FSHR: variants seen among roughly 807,000 people sequenced by gnomAD.
FSHR encodes the protein follicle-stimulating hormone receptor.
In FSHR, 46 loss-of-function variants were observed where a neutral mutation model predicts 52.1. The ratio of observed to expected loss-of-function variants is 0.88; its 90% CI spans 0.70 to 1.13. The LOEUF is 1.13. Ranked by LOEUF, FSHR falls within the 50% of genes most tolerant of loss-of-function variation. The pLI is 0.00. For missense variants in FSHR, 964 were observed against 834.6 expected (o/e 1.16, Z -1.91); for synonymous variants, 399 against 309.6 (o/e 1.29, Z -3.03).
chr2:49,026,964 G>C (rs1225127721), intron 2 of FSHR, among the ~76,000 whole-genome samples: 1 of 152,018 alleles, frequency 6.6e-6, no homozygotes, highest in Non-Finnish European at 1.5e-5. Flanking sequence ...ACAACCTGAG[G>C]GATACATGTT....
chr2:49,120,832 T>A (rs1671792004), intron 1 of FSHR, among the ~76,000 whole-genome samples: 1 of 152,266 alleles, frequency 6.6e-6, no homozygotes. Flanking sequence ...TATCTCTGCT[T>A]CTTTTCCACT....
chr2:49,011,777 C>T (rs538550583), intron 4 of FSHR, among the ~76,000 whole-genome samples: 1 of 152,206 alleles, frequency 6.6e-6, no homozygotes, highest in South Asian at 2.1e-4. Context: ...CTTTGTGCTT[C>T]CTTGCTACTC....
At chr2:49,089,264 G>C (rs1026889659) in intron 1 of FSHR, among the ~76,000 whole-genome samples, 30 of 152,108 alleles carry the variant, frequency 2.0e-4, no homozygotes, top group African/African-American at 7.2e-4. Context: ...TGTAGGGATG[G>C]AATGAAAGCA....
At chr2:49,138,549 T>C (rs537885923) in intron 1 of FSHR, among the ~76,000 whole-genome samples, 6 of 152,330 alleles carry the variant, frequency 3.9e-5, no homozygotes, top group African/African-American at 1.2e-4. Context: ...TGATACATTA[T>C]AATTTGAATT....
intron 2 of FSHR, among the ~76,000 whole-genome samples, chr2:49,063,955 A>T (rs1041027622): frequency 5.3e-5 from 8 of 152,146 alleles, no homozygotes; most frequent in African/African-American, 1.7e-4. Context: ...TACAGTTATT[A>T]TGTGTTACAA....
At chr2:49,082,547 C>T (rs192955720) in intron 1 of FSHR, among the ~76,000 whole-genome samples, 32 of 152,050 alleles carry the variant, frequency 2.1e-4, no homozygotes, top group Admixed American at 5.9e-4. Flanking sequence ...CAAATTACTC[C>T]GAGATACGGG....
intron 2 of FSHR, among the ~76,000 whole-genome samples, chr2:49,060,204 T>C (rs1202745913): frequency 6.6e-6 from 1 of 152,082 alleles, no homozygotes; most frequent in Non-Finnish European, 1.5e-5. Context: ...CCGGTGAGGA[T>C]GCAGAGAAAA....
At position 49,071,377 on chromosome 2, in the gene FSHR, C is replaced by A. The variant is rs1055162250; in HGVS notation, c.153-3087G>T. Among the ~76,000 whole-genome samples the A allele has an allele frequency of 7.2e-5, 11 of 152,128 alleles. No homozygotes were observed. In the East Asian group the frequency reaches 1.7e-3, roughly 24 times the overall value. On this transcript the variant is annotated intron_variant, in intron 1 of 9. Transcript: ENST00000406846. ...TAATTAGAAAACCTTGTAAAAATATCTTCAAAATTATTAGAGAAAATAACT... is the reference window on the plus strand; with the variant it reads ...TAATTAGAAAACCTTGTAAAAATATATTCAAAATTATTAGAGAAAATAACT...
intron 2 of FSHR, among the ~76,000 whole-genome samples, chr2:49,057,469 A>C (rs1669102445): frequency 6.6e-6 from 1 of 152,156 alleles, no homozygotes; most frequent in Admixed American, 6.5e-5. Context: ...ACCCACCAAG[A>C]TTGAACCAAG....
intron 3 of FSHR, 32 bp downstream of exon 3, chr2:49,020,054 C>G (rs770152782): frequency 1.3e-6 from 2 of 1,581,898 alleles, no homozygotes; most frequent in East Asian, 4.5e-5. Flanking sequence ...TCAAGAATGG[C>G]CATGAGCAAA....
intron 1 of FSHR, among the ~76,000 whole-genome samples, chr2:49,120,173 A>G (rs1384411393): frequency 6.6e-6 from 1 of 152,186 alleles, no homozygotes. Flanking sequence ...CAGGAGGCTG[A>G]GGCAGGAGAA....
At chr2:49,142,970 A>G (rs2103841980) in intron 1 of FSHR, among the ~76,000 whole-genome samples, 1 of 152,276 alleles carries the variant, frequency 6.6e-6, no homozygotes, top group African/African-American at 2.4e-5. Flanking sequence ...GTTGGTTTTG[A>G]GATGCTTGTA....
chr2:49,092,160 G>T (rs908252946), intron 1 of FSHR, among the ~76,000 whole-genome samples: 2 of 151,978 alleles, frequency 1.3e-5, no homozygotes, highest in African/African-American at 4.8e-5. Flanking sequence ...TTTATTTTTG[G>T]TTTCTAATTG....
chr2:48,989,033 GT>G lies in FSHR; in HGVS notation c.467del (p.Asn156ThrfsTer13). 6.2e-7 allele frequency: 1 copy of G among 1,613,600 alleles called. No homozygotes were observed. Among genetic ancestry groups the G allele is most frequent in the Non-Finnish European group, 8.5e-7 (1 of 1,179,618 alleles). On this transcript the variant is annotated frameshift_variant, in exon 6 of 10. Coordinates refer to ENST00000406846, the MANE Select transcript of FSHR (RefSeq NM_000145.4). LOFTEE classifies it high-confidence loss of function. ...KVLLDIQDNI[N>X]IHTIERNSFV... ...AAGAATTTCTTTCAATTGTGTGGAT[GT>G]TTATGTTATCTTGAATGTCACTAGA...
chr2:49,031,917 C>T (rs1668114330), intron 2 of FSHR, among the ~76,000 whole-genome samples: 1 of 152,166 alleles, frequency 6.6e-6, no homozygotes, highest in Admixed American at 6.5e-5. Context: ...TTATTATTTT[C>T]TACTAGAGTC....
At chr2:49,052,562 T>A (rs963022016) in intron 2 of FSHR, among the ~76,000 whole-genome samples, 2 of 152,188 alleles carry the variant, frequency 1.3e-5, no homozygotes, top group African/African-American at 4.8e-5. Context: ...TTTTTAAAGT[T>A]CTCCAGGGGA....
intron 1 of FSHR, among the ~76,000 whole-genome samples, chr2:49,131,844 A>T (rs190695725): frequency 1.3e-5 from 2 of 152,128 alleles, no homozygotes; most frequent in African/African-American, 4.8e-5. Context: ...ACTACCATAT[A>T]TTTAAATCCT....
At chr2:49,094,419 A>G (rs1056365367) in intron 1 of FSHR, among the ~76,000 whole-genome samples, 5 of 152,138 alleles carry the variant, frequency 3.3e-5, no homozygotes, top group Non-Finnish European at 4.4e-5. Context: ...ACATTTTGCC[A>G]TTTCTGTTGC....
rs750192853 is a variant in FSHR at position 49,020,190 on chromosome 2, C to T, written c.225-30G>A. ...GGAGAAAAAAATATATAAGTCAAGC[C>T]AGTTCAGTTACACTCCTTGAATATT... On this transcript the variant is annotated intron_variant, in intron 2 of 9. Coordinates refer to ENST00000406846, the MANE Select transcript of FSHR (RefSeq NM_000145.4). 2.6e-6 allele frequency: 4 copies of T among 1,557,740 alleles called. No homozygotes were observed. In the South Asian group the frequency reaches 3.3e-5, roughly 13 times the overall value.
Sources: gnomAD v4.1 joint callset for allele counts (sites outside exome capture counted in the v4.1 genomes callset) on GRCh38, gnomAD v4.1.1 for gene constraint, MANE v1.5 for transcripts, NCBI Gene and HGNC (gene_info 2026-07-23, HGNC 2026-07-21) for gene names.